Variants in BBS9 observed in about 807,000 individuals in gnomAD.
The protein encoded by BBS9 is Bardet-Biedl syndrome 9, also known as protein PTHB1.
Under a neutral mutation model 117.7 loss-of-function variants are expected in BBS9, and 89 were observed. The ratio of observed to expected loss-of-function variants is 0.76; its 90% CI spans 0.64 to 0.90. BBS9 has a LOEUF of 0.90. Among genes scored for constraint, BBS9 ranks in the 40% least tolerant of loss-of-function variants. BBS9 has a pLI of 0.00. For missense variants in BBS9, 982 were observed against 1,042.2 expected, an observed-to-expected ratio of 0.94 and a Z score of 0.80; for synonymous variants, 379 against 370.9, an observed-to-expected ratio of 1.02 and a Z score of -0.25.
intron 5 of BBS9, among the ~76,000 whole-genome samples, chr7:33,240,333 C>A (rs1246149109): frequency 6.6e-6 from 1 of 150,746 alleles, no homozygotes; most frequent in Non-Finnish European, 1.5e-5. Flanking sequence ...TCATGGCTCA[C>A]TGTAGTTTTG....
chr7:33,552,331 G>T (rs761766091), intron 21 of BBS9, among the ~76,000 whole-genome samples: 2 of 151,998 alleles, frequency 1.3e-5, no homozygotes, highest in Non-Finnish European at 2.9e-5. Context: ...AATCACTTAC[G>T]TGAACATTAT....
rs960735205 is a variant in BBS9, at chr7:33,595,901, C to T, written c.2522-8964C>T. ...ATAGATGAAGCTGGAAGCCGTCATC[C>T]TCAGGAAACTAACACAGGAACAGAA... On this transcript the variant is annotated intron_variant, in intron 21 of 22. Coordinates refer to ENST00000242067, the MANE Select transcript of BBS9 (RefSeq NM_198428.3). Among the ~76,000 whole-genome samples the T allele has an allele frequency of 1.1e-4, 17 of 152,016 alleles. No individual in the cohort carries two copies. The South Asian group carries it at 1.2e-3, about 11-fold the overall frequency.
chr7:33,330,215 G>A (rs1348713539), intron 9 of BBS9, among the ~76,000 whole-genome samples: 6 of 151,800 alleles, frequency 4.0e-5, no homozygotes, highest in African/African-American at 4.8e-5. Flanking sequence ...GGGTTTTACC[G>A]TGTTGCCCAG....
intron 1 of BBS9, among the ~76,000 whole-genome samples, chr7:33,136,308 T>C (rs1790451872): frequency 1.3e-5 from 2 of 152,238 alleles, no homozygotes; most frequent in South Asian, 2.1e-4. Flanking sequence ...TGAGTAAAGA[T>C]AGTTTTACTT....
intron 17 of BBS9, among the ~76,000 whole-genome samples, chr7:33,374,630 G>T (rs915605482): frequency 6.6e-6 from 1 of 152,094 alleles, no homozygotes; most frequent in Admixed American, 6.6e-5. Flanking sequence ...GGCCGGGCGT[G>T]GTGGCTCACG....
intron 21 of BBS9, among the ~76,000 whole-genome samples, chr7:33,581,270 A>G (rs1199288086): frequency 6.6e-6 from 1 of 152,180 alleles, no homozygotes; most frequent in African/African-American, 2.4e-5. Context: ...ATTAAATGAT[A>G]GCAGAGTAAG....
At chr7:33,349,432 G>GATTT in intron 13 of BBS9, 1 of 460,606 alleles carries the variant, frequency 2.2e-6, no homozygotes, top group Non-Finnish European at 4.2e-6. Context: ...AATTGTTTTT[G>GATTT]ATTTATTTAT....
intron 21 of BBS9, among the ~76,000 whole-genome samples, chr7:33,540,330 A>C (rs1852081668): frequency 6.6e-6 from 1 of 152,232 alleles, no homozygotes; most frequent in South Asian, 2.1e-4. Flanking sequence ...AAATCACAGA[A>C]GGACATAAAG....
At chr7:33,236,806 A>G (rs1793608000) in intron 5 of BBS9, among the ~76,000 whole-genome samples, 1 of 151,990 alleles carries the variant, frequency 6.6e-6, no homozygotes, top group Non-Finnish European at 1.5e-5. Flanking sequence ...TCTTTTAGCA[A>G]TTTTGAAATA....
At chr7:33,265,249 C>G (rs756759206) in intron 7 of BBS9, among the ~76,000 whole-genome samples, 2 of 152,076 alleles carry the variant, frequency 1.3e-5, no homozygotes, top group Non-Finnish European at 2.9e-5. Context: ...GCAGAATTTT[C>G]TGTATTAGGA....
At chr7:33,210,063 GTATT>G (rs1787725861) in intron 5 of BBS9, among the ~76,000 whole-genome samples, 1 of 152,048 alleles carries the variant, frequency 6.6e-6, no homozygotes. Context: ...TGCTTTCACT[GTATT>G]TCATAGGTTT....
chr7:33,202,805 G>A (rs369144861), intron 5 of BBS9, among the ~76,000 whole-genome samples: 4 of 152,086 alleles, frequency 2.6e-5, no homozygotes, highest in East Asian at 1.9e-4. Context: ...GATTTGTGGT[G>A]GGGGGGAACA....
chr7:33,332,592 G>A (rs993677750), intron 9 of BBS9, among the ~76,000 whole-genome samples: 1 of 152,046 alleles, frequency 6.6e-6, no homozygotes, highest in Admixed American at 6.6e-5. Flanking sequence ...CAGGAGAATC[G>A]CTTGAACCCG....
intron 21 of BBS9, among the ~76,000 whole-genome samples, chr7:33,552,336 CATT>C (rs1207225758): frequency 6.6e-6 from 1 of 152,074 alleles, no homozygotes; most frequent in Non-Finnish European, 1.5e-5. Flanking sequence ...CTTACGTGAA[CATT>C]ATTCCTTCCC....
At chr7:33,281,285 AT>A (rs1320938826) in intron 9 of BBS9, among the ~76,000 whole-genome samples, 1 of 147,176 alleles carries the variant, frequency 6.8e-6, no homozygotes, top group Non-Finnish European at 1.5e-5. Context: ...GTTCCATTTA[AT>A]TTTTTTTGTT....
chr7:33,454,832 CT>C (rs199560321), intron 19 of BBS9, among the ~76,000 whole-genome samples: 2 of 152,286 alleles, frequency 1.3e-5, no homozygotes, highest in South Asian at 4.1e-4. Context: ...GGTGCAGTCT[CT>C]TTGTACATCC....
chr7:33,236,835 A>G (rs980682019), intron 5 of BBS9, among the ~76,000 whole-genome samples: 2 of 152,056 alleles, frequency 1.3e-5, no homozygotes, highest in Non-Finnish European at 2.9e-5. Context: ...ATTATTATTA[A>G]CTGTGGTCAC....
rs570610311 is a variant in BBS9, at chr7:33,622,513, C to G, written c.2522-12664C>G. On this transcript the variant is annotated intron_variant, in intron 21 of 21. Transcript: ENST00000671952. ...ACTAGATATGTTAATTAGCATTTCA[C>G]AGCGTATACACATTCAATATCAAAG... 5.7e-4 allele frequency among the ~76,000 whole-genome samples: 86 copies of G among 152,158 alleles called. 1 individual carries two copies. The highest frequency in any genetic ancestry group is 1.1e-3 in the Non-Finnish European group (74 of 68,032).
downstream of BBS9, among the ~76,000 whole-genome samples, chr7:33,607,803 T>A (rs1441522688): frequency 6.6e-6 from 1 of 152,114 alleles, no homozygotes; most frequent in Non-Finnish European, 1.5e-5. Context: ...GCCAGGTTTT[T>A]AGGATTATAT....
Sources: gnomAD v4.1 joint callset for allele counts (sites outside exome capture counted in the v4.1 genomes callset) on GRCh38, gnomAD v4.1.1 for gene constraint, MANE v1.5 for transcripts, NCBI Gene and HGNC (gene_info 2026-07-23, HGNC 2026-07-21) for gene names.